Variants in OR9Q2 observed in about 807,000 individuals in gnomAD.
The protein encoded by OR9Q2 is olfactory receptor family 9 subfamily Q member 2.
OR9Q2 carries 2 observed loss-of-function variants against 2.3 expected under a neutral mutation model. The observed-to-expected ratio is 0.85, with a 90% CI of 0.35 to 2.68. The LOEUF (loss-of-function observed/expected upper bound fraction) is 2.68, where lower values mean the gene tolerates loss of function less well. Ranked by LOEUF, OR9Q2 falls within the 30% of genes most tolerant of loss-of-function variation. OR9Q2 has a pLI of 0.10. For synonymous variants in OR9Q2, 178 were observed against 158.6 expected (o/e 1.12, Z -0.92); for missense variants, 404 against 395.7 (o/e 1.02, Z -0.18).
In OR9Q2 at chr11:58,191,255, C is replaced by T. The variant is rs1336952872; in HGVS notation, c.765C>T (p.Leu255=). 14 of 1,614,096 alleles carry T rather than the reference C, an allele frequency of 8.7e-6. No individual in the cohort carries two copies. Among genetic ancestry groups the T allele is most frequent in the Non-Finnish European group, 1.2e-5 (14 of 1,180,020 alleles). Residue 255 remains leucine, a synonymous_variant, in exon 2 of 2, where the codon CTC becomes CTT. Coordinates refer to ENST00000641291, the MANE Select transcript of OR9Q2 (RefSeq NM_001005283.3). ...CCGTCGCTCTTTTCTTTGGCACCCT[C>T]ATCTTCATGTACCTGCGAGACAACA... ...LTAVALFFGT[L]IFMYLRDNTG...
At position 58,193,429 on chromosome 11, in the gene OR9Q2, C is replaced by G. The variant is rs1854782534; in HGVS notation, c.*1994C>G. The G allele has an allele frequency of 1.3e-5, 2 of 152,130 alleles. No homozygotes were observed. The highest frequency in any genetic ancestry group is 4.1e-4 in the South Asian group (2 of 4,830). 9.4% of individuals were successfully genotyped at this position (152,130 alleles called of 1,614,324 possible). ...GAATCCTTTATTTTAGCCCTCCTAA[C>G]AATGTTAATGAAAAGTAATTTTTAT... is the stretch of plus-strand genomic sequence containing the variant. On this transcript the variant is annotated 3_prime_UTR_variant, in exon 2 of 2. Transcript: ENST00000641291.
At chr11:58,189,518 G>A (rs1854738432) in intron 1 of OR9Q2, among the ~76,000 whole-genome samples, 1 of 152,082 alleles carries the variant, frequency 6.6e-6, no homozygotes, top group African/African-American at 2.4e-5. Context: ...TCCTCAATGG[G>A]TCAGCTCAGT....
chr11:58,191,140 C>A lies in OR9Q2; in HGVS notation c.650C>A (p.Ser217Tyr). The change falls in exon 2 of 2, where the codon TCC (serine) becomes TAC (tyrosine). Residue 217 changes from serine (S) to tyrosine (Y), a missense_variant. Coordinates refer to ENST00000641291, the MANE Select transcript of OR9Q2 (RefSeq NM_001005283.3). ...GCCTGTATCTTGGTGATCTTGGTAT[C>A]CTACCTGTTTATCATTGTGGCCATC... ...MPACILVILV[S>Y]YLFIIVAILQ... is the part of the protein sequence containing the mutation. 1.2e-6 allele frequency: 2 copies of A among 1,614,150 alleles called. No homozygotes were observed. Among genetic ancestry groups the A allele is most frequent in the Non-Finnish European group, 8.5e-7 (1 of 1,180,030 alleles).
chr11:58,189,973 G>T (rs1361727214), intron 1 of OR9Q2, among the ~76,000 whole-genome samples: 1 of 152,036 alleles, frequency 6.6e-6, no homozygotes, highest in East Asian at 1.9e-4. Flanking sequence ...AGATTTTTTT[G>T]TTTATATGTT....
intron 1 of OR9Q2, among the ~76,000 whole-genome samples, chr11:58,190,104 G>A (rs955313250): frequency 7.9e-5 from 12 of 151,964 alleles, no homozygotes; most frequent in African/African-American, 1.2e-4. Context: ...TTTAACCTAC[G>A]CATTAATCTT....
In OR9Q2 at chr11:58,190,340, T is replaced by A. The variant is rs1854745845; in HGVS notation, c.-151T>A. ...ACAGTGAGCTCAATATCTGTCTATATCTATCTTCGACTGAAAAGTGTGTTG... is the reference window on the plus strand; with the variant it reads ...ACAGTGAGCTCAATATCTGTCTATAACTATCTTCGACTGAAAAGTGTGTTG... On this transcript the variant is annotated 5_prime_UTR_variant, in exon 2 of 2. Transcript: ENST00000641291. 1 of 609,038 alleles carries A rather than the reference T, an allele frequency of 1.6e-6. No individual in the cohort carries two copies. Among genetic ancestry groups the A allele is most frequent in the African/African-American group, 1.8e-5 (1 of 54,156 alleles). 37.7% of individuals were successfully genotyped at this position (609,038 alleles called of 1,614,324 possible).
At position 58,191,352 on chromosome 11, in the gene OR9Q2, C is replaced by T. The variant is rs762852940; in HGVS notation, c.862C>T (p.Leu288Phe). 1.2e-6 allele frequency: 2 copies of T among 1,614,112 alleles called. No individual in the cohort carries two copies. The highest frequency in any genetic ancestry group is 1.1e-5 in the South Asian group (1 of 91,074). ...YTVVTPMLNP[L>F]IYSLRNKEVK... ...GGTGGTGACCCCAATGCTGAATCCC[C>T]TTATCTATAGCCTGAGAAACAAGGA... Residue 288 changes from leucine (L) to phenylalanine (F), a missense_variant, in exon 2 of 2, where the codon CTT (leucine) becomes TTT (phenylalanine). Physicochemically the swap from Leu to Phe is conservative, Grantham distance 22. Transcript: ENST00000641291.
Position 58,190,577 on chromosome 11 carries a change from C to T in OR9Q2, c.87C>T (p.Leu29=), listed in dbSNP as rs755140204. 1.2e-5 allele frequency: 20 copies of T among 1,614,126 alleles called. No homozygotes were observed. In the South Asian group the frequency reaches 2.2e-4, roughly 18 times the overall value. Residue 29 remains leucine (L), a synonymous_variant, in exon 2 of 2, where the codon CTC becomes CTT. Coordinates refer to ENST00000641291, the MANE Select transcript of OR9Q2 (RefSeq NM_001005283.3). Reference sequence around the variant, plus strand: ...TCCAGTGGAGGGTTCCTCTCTTCCTCATATTTTTGAGTTTCTATCTTGCCA... The same window carrying T: ...TCCAGTGGAGGGTTCCTCTCTTCCTTATATTTTTGAGTTTCTATCTTGCCA... ...EHLQWRVPLF[L]IFLSFYLATM... is the part of the protein sequence containing the mutation.
Position 58,191,320 on chromosome 11 carries a change from T to G in OR9Q2, c.830T>G (p.Leu277Arg). Reference sequence around the variant, plus strand: ...GAGGGAGACCGAGTGGTGTCTGTGCTCTACACGGTGGTGACCCCAATGCTG... The same window carrying G: ...GAGGGAGACCGAGTGGTGTCTGTGCGCTACACGGTGGTGACCCCAATGCTG... The part of the protein sequence containing the change: ...SSEGDRVVSV[L>R]YTVVTPMLNP... Residue 277 changes from leucine (L) to arginine (R), a missense_variant, in exon 2 of 2, where the codon CTC becomes CGC. Transcript: ENST00000641291. 1 of 1,614,074 alleles carries G rather than the reference T, an allele frequency of 6.2e-7. No homozygotes were observed. The highest frequency in any genetic ancestry group is 2.2e-5 in the East Asian group (1 of 44,860).
In OR9Q2 at chr11:58,191,160, GCCATCCTGCAGAT is replaced by G; in HGVS notation, c.674_686del (p.Ile225ThrfsTer53). On this transcript the variant is annotated frameshift_variant, in exon 2 of 2. Transcript: ENST00000641291. LOFTEE classifies it high-confidence loss of function. ...GGTATCCTACCTGTTTATCATTGTGGCCATCCTGCAGATCCACTCTGCTGGAGGCCGGGCCAAG... is the reference window on the plus strand; with the variant it reads ...GGTATCCTACCTGTTTATCATTGTGGCCACTCTGCTGGAGGCCGGGCCAAG... The G allele has an allele frequency of 6.2e-7, 1 of 1,614,036 alleles. No homozygotes were observed. The highest frequency in any genetic ancestry group is 8.5e-7 in the Non-Finnish European group (1 of 1,180,004).
In OR9Q2 at chr11:58,193,806, G is replaced by A. The variant is rs1394698362; in HGVS notation, c.*2371G>A. The A allele has an allele frequency of 6.6e-6, 1 of 152,116 alleles. No homozygotes were observed. The highest frequency in any genetic ancestry group is 1.5e-5 in the Non-Finnish European group (1 of 68,012). The allele number at this position is 152,116 out of a possible 1,614,324, so 9.4% of individuals were successfully genotyped here. Reference sequence around the variant, plus strand: ...CTTGTAGGCCAATGAGGAGAGTCTGGGGGAATCTATAACTCCCTCAGAAAG... The same window carrying A: ...CTTGTAGGCCAATGAGGAGAGTCTGAGGGAATCTATAACTCCCTCAGAAAG... On this transcript the variant is annotated 3_prime_UTR_variant, in exon 2 of 2. Coordinates refer to ENST00000641291, the MANE Select transcript of OR9Q2 (RefSeq NM_001005283.3).
rs1854764433 is a variant in OR9Q2 at position 58,191,458 on chromosome 11, A to G, written c.*23A>G. 6.9e-7 allele frequency: 1 copy of G among 1,458,642 alleles called. No homozygotes were observed. The highest frequency in any genetic ancestry group is 9.3e-7 in the Non-Finnish European group (1 of 1,073,356). The allele number at this position is 1,458,642 out of a possible 1,614,324, so 90.4% of individuals were successfully genotyped here. On this transcript the variant is annotated 3_prime_UTR_variant, in exon 2 of 2. Coordinates refer to ENST00000641291, the MANE Select transcript of OR9Q2 (RefSeq NM_001005283.3). ...TAAATGGACCCTTGTGAAATATATC[A>G]TTCCTTAGTTTCCCCATCTTTTCTG...
chr11:58,190,511 C>A lies in OR9Q2; in HGVS notation c.21C>A (p.Thr7=). 1 of 1,613,488 alleles carries A rather than the reference C, an allele frequency of 6.2e-7. No homozygotes were observed. Among genetic ancestry groups the A allele is most frequent in the Non-Finnish European group, 8.5e-7 (1 of 1,179,546 alleles). MAERNY[T]VVTEFFLTAF... The stretch of plus-strand genomic sequence containing the variant: ...GATGGATGGCTGAAAGGAATTACAC[C>A]GTAGTGACGGAGTTCTTCCTTACTG... The change falls in exon 2 of 2, where the codon ACC becomes ACA. Residue 7 remains threonine, a synonymous_variant. Coordinates refer to ENST00000641291, the MANE Select transcript of OR9Q2 (RefSeq NM_001005283.3).
At position 58,190,777 on chromosome 11, in the gene OR9Q2, G is replaced by A. The variant is rs543314989; in HGVS notation, c.287G>A (p.Arg96His). 3.7e-6 allele frequency: 6 copies of A among 1,614,160 alleles called. No homozygotes were observed. The highest frequency in any genetic ancestry group is 4.5e-5 in the East Asian group (2 of 44,858). ...WEHGTTISQA[R>H]CAAQFFLFTF... ...CACGGCACAACCATCTCCCAGGCTC[G>A]CTGTGCAGCTCAGTTCTTCCTCTTC... Residue 96 changes from arginine (R) to histidine (H), a missense_variant, in exon 2 of 2, where the codon CGC (arginine) becomes CAC (histidine). By Grantham distance (29) the Arg-to-His change is conservative. Coordinates refer to ENST00000641291, the MANE Select transcript of OR9Q2 (RefSeq NM_001005283.3).
Position 58,190,979 on chromosome 11 carries a change from C to T in OR9Q2, c.489C>T (p.Ala163=). 1 of 1,614,228 alleles carries T rather than the reference C, an allele frequency of 6.2e-7. No individual in the cohort carries two copies. Among genetic ancestry groups the T allele is most frequent in the Non-Finnish European group, 8.5e-7 (1 of 1,180,048 alleles). The part of the protein sequence containing the change: ...FFSAFVRTVT[A]FTLSFCGNNE... Reference sequence around the variant, plus strand: ...GTGCCTTTGTTCGAACGGTCACAGCCTTCACTCTCTCCTTTTGTGGAAACA... The same window carrying T: ...GTGCCTTTGTTCGAACGGTCACAGCTTTCACTCTCTCCTTTTGTGGAAACA... Residue 163 remains alanine (A), a synonymous_variant, in exon 2 of 2, where the codon GCC becomes GCT. Coordinates refer to ENST00000641291, the MANE Select transcript of OR9Q2 (RefSeq NM_001005283.3).
chr11:58,191,593 T>C lies in OR9Q2; in HGVS notation c.*158T>C, dbSNP rs1854765879. Reference sequence around the variant, plus strand: ...GATTTATTATTCCATGTAATACTTATCATCATCTGACATATTAGATGTTAT... The same window carrying C: ...GATTTATTATTCCATGTAATACTTACCATCATCTGACATATTAGATGTTAT... On this transcript the variant is annotated 3_prime_UTR_variant, in exon 2 of 2. Coordinates refer to ENST00000641291, the MANE Select transcript of OR9Q2 (RefSeq NM_001005283.3). 5.4e-6 allele frequency: 3 copies of C among 551,940 alleles called. No individual in the cohort carries two copies. In the East Asian group the frequency reaches 8.5e-5, roughly 16 times the overall value. The allele number at this position is 551,940 out of a possible 1,614,324, so 34.2% of individuals were successfully genotyped here.
rs777430632 is a variant in OR9Q2 at position 58,190,914 on chromosome 11, TG to T, written c.428del (p.Gly143AlafsTer2). On this transcript the variant is annotated frameshift_variant, in exon 2 of 2. Transcript: ENST00000641291. LOFTEE classifies it high-confidence loss of function. ...YVTIITEKAR[W>X]GLVTGAYVAG... The stretch of plus-strand genomic sequence containing the variant: ...CACCATCATAACCGAGAAGGCCCGC[TG>T]GGGCCTAGTCACTGGGGCTTACGTT... 3.1e-6 allele frequency: 5 copies of T among 1,614,066 alleles called. No individual in the cohort carries two copies. The African/African-American group carries it at 6.7e-5, about 22-fold the overall frequency.
rs1348003930 is a variant in OR9Q2, at chr11:58,192,293, T to G, written c.*858T>G. 2 of 152,264 alleles carry G rather than the reference T, an allele frequency of 1.3e-5. No individual in the cohort carries two copies. The allele number at this position is 152,264 out of a possible 1,614,324, so 9.4% of individuals were successfully genotyped here. On this transcript the variant is annotated 3_prime_UTR_variant, in exon 2 of 2. Transcript: ENST00000641291. ...TATAGGTAGGTGAGGCACTTGAGGCTTAGAGATGTTGAGTAATATTCTCAA... is the reference window on the plus strand; with the variant it reads ...TATAGGTAGGTGAGGCACTTGAGGCGTAGAGATGTTGAGTAATATTCTCAA...
rs1241258898 is a variant in OR9Q2 at position 58,191,156 on chromosome 11, T to G, written c.666T>G (p.Ile222Met). The G allele has an allele frequency of 6.2e-7, 1 of 1,614,214 alleles. No individual in the cohort carries two copies. The highest frequency in any genetic ancestry group is 8.5e-7 in the Non-Finnish European group (1 of 1,180,034). ...TCTTGGTATCCTACCTGTTTATCATTGTGGCCATCCTGCAGATCCACTCTG... is the reference window on the plus strand; with the variant it reads ...TCTTGGTATCCTACCTGTTTATCATGGTGGCCATCCTGCAGATCCACTCTG... ...LVILVSYLFI[I>M]VAILQIHSAG... Residue 222 changes from isoleucine to methionine, a missense_variant, in exon 2 of 2, where the codon ATT becomes ATG. Physicochemically the swap from Ile to Met is conservative, Grantham distance 10 (BLOSUM62 1). Transcript: ENST00000641291.
Sources: allele counts gnomAD v4.1 joint callset (sites outside exome capture counted in the v4.1 genomes callset), GRCh38; gene constraint gnomAD v4.1.1; transcripts MANE v1.5; gene names NCBI Gene and HGNC (gene_info 2026-07-23, HGNC 2026-07-21).